The following ZEB2 variants were observed in gnomAD, a reference collection of about 807,000 sequenced individuals.
The protein encoded by ZEB2 is zinc finger E-box binding homeobox 2.
In ZEB2, 6 loss-of-function variants were observed where a neutral mutation model predicts 99.9. The ratio of observed to expected loss-of-function variants is 0.06; its 90% CI spans 0.03 to 0.12. The LOEUF (loss-of-function observed/expected upper bound fraction) is 0.12. Among genes scored for constraint, ZEB2 ranks in the 10% least tolerant of loss-of-function variants. The probability of loss-of-function intolerance (pLI) is 1.00; values close to 1 mark genes in which losing one functional copy is unlikely to be tolerated. For missense variants in ZEB2, 969 were observed against 1,502.8 expected (o/e 0.64, Z 5.87); for synonymous variants, 517 against 542.5 (o/e 0.95, Z 0.65).
chr2:144,404,108 A>G lies in ZEB2; in HGVS notation c.615T>C (p.Asp205=), dbSNP rs752922118. The G allele has an allele frequency of 2.0e-5, 33 of 1,614,080 alleles. No homozygotes were observed. Among genetic ancestry groups the G allele is most frequent in the Non-Finnish European group, 2.8e-5 (33 of 1,180,004 alleles). The change falls in exon 6 of 10, where the codon GAT becomes GAC. Residue 205 remains aspartate (D), a synonymous_variant. Coordinates refer to ENST00000627532, the MANE Select transcript of ZEB2 (RefSeq NM_014795.4). ...GGCAGGTCAGCAGTTGGGCAAAAGC[A>G]TCTGGAGTTCCAGGTGGCAGGTCTG... ...EENDLPPGTP[D]AFAQLLTCPY... is the part of the protein sequence containing the mutation.
At chr2:144,404,263 C>T (rs1433586764) in intron 5 of ZEB2, 133 bp from the exon 6 acceptor site, 4 of 1,006,798 alleles carry the variant, frequency 4.0e-6, no homozygotes, top group Admixed American at 2.0e-5. Flanking sequence ...CATCATTGCA[C>T]CCGGCCCCCT....
At chr2:144,419,778 G>T (rs1327211303) in intron 4 of ZEB2, among the ~76,000 whole-genome samples, 1 of 151,938 alleles carries the variant, frequency 6.6e-6, no homozygotes, top group South Asian at 2.1e-4. Context: ...TTACAATTTT[G>T]TTCCTTTTTT....
chr2:144,505,749 C>CCCTAT (rs1293310212), intron 2 of ZEB2, among the ~76,000 whole-genome samples: 2 of 152,152 alleles, frequency 1.3e-5, no homozygotes, highest in Non-Finnish European at 2.9e-5. Context: ...TGGCCAGAAG[C>CCCTAT]CCTATCAAAG....
intron 9 of ZEB2, among the ~76,000 whole-genome samples, chr2:144,395,714 T>C (rs1294583295): frequency 1.3e-5 from 2 of 152,210 alleles, no homozygotes; most frequent in African/African-American, 4.8e-5. Context: ...TGGTACTTCA[T>C]CTTTCTTTTC....
chr2:144,401,563 T>C lies in ZEB2; in HGVS notation c.808-256A>G, dbSNP rs573286403. ...TATTTCTGTAGTGTCTTTTCCAAAA[T>C]GTTTCTTTGAACCTTTGGGGACGAG... On this transcript the variant is annotated intron_variant, in intron 6 of 9. Coordinates refer to ENST00000627532, the MANE Select transcript of ZEB2 (RefSeq NM_014795.4). 2.6e-5 allele frequency among the ~76,000 whole-genome samples: 4 copies of C among 152,362 alleles called. No individual in the cohort carries two copies. In the East Asian group the frequency reaches 7.7e-4, roughly 29 times the overall value.
chr2:144,406,215 G>A (rs1230742068), intron 4 of ZEB2, among the ~76,000 whole-genome samples: 1 of 151,944 alleles, frequency 6.6e-6, no homozygotes, highest in Admixed American at 6.6e-5. Flanking sequence ...TTTATGAGGG[G>A]AATAGAAAGT....
intron 2 of ZEB2, among the ~76,000 whole-genome samples, chr2:144,438,477 G>A (rs1167956668): frequency 6.6e-6 from 1 of 151,888 alleles, no homozygotes; most frequent in Non-Finnish European, 1.5e-5. Flanking sequence ...AAGTAGGGGG[G>A]CTGGAGATCT....
chr2:144,456,000 G>A (rs1038922965), intron 2 of ZEB2, among the ~76,000 whole-genome samples: 3 of 152,076 alleles, frequency 2.0e-5, no homozygotes, highest in African/African-American at 7.2e-5. Flanking sequence ...CTAGATTTAT[G>A]ATGAATACAG....
At chr2:144,446,179 T>C (rs1394509463) in intron 2 of ZEB2, among the ~76,000 whole-genome samples, 1 of 152,194 alleles carries the variant, frequency 6.6e-6, no homozygotes, top group Non-Finnish European at 1.5e-5. Flanking sequence ...GCACTTGCAC[T>C]GTGTGGGCAA....
At chr2:144,446,973 G>A (rs1012483918) in intron 2 of ZEB2, among the ~76,000 whole-genome samples, 2 of 146,918 alleles carry the variant, frequency 1.4e-5, no homozygotes, top group African/African-American at 2.5e-5. Flanking sequence ...CTGAGATCGC[G>A]CCACGGCACT....
intron 2 of ZEB2, among the ~76,000 whole-genome samples, chr2:144,482,744 G>C (rs1394261029): frequency 1.7e-5 from 2 of 120,256 alleles, no homozygotes; most frequent in African/African-American, 2.9e-5. Flanking sequence ...TTATATTTCT[G>C]ATATTTCTTT....
intron 2 of ZEB2, among the ~76,000 whole-genome samples, chr2:144,440,507 ATATATATATTTTTTT>A (rs1560625179): frequency 6.7e-5 from 1 of 14,902 alleles, no homozygotes; most frequent in Non-Finnish European, 1.6e-4. Flanking sequence ...ATATATATAT[ATATATATATTTTTTT>A]TTTTTTTTTT....
chr2:144,440,443 A>C (rs1167746124), intron 2 of ZEB2, among the ~76,000 whole-genome samples: 1 of 149,412 alleles, frequency 6.7e-6, no homozygotes, highest in Non-Finnish European at 1.5e-5. Context: ...CATTTTATGG[A>C]ATTATCCCCG....
At chr2:144,423,095 G>A (rs1703641702) in intron 4 of ZEB2, among the ~76,000 whole-genome samples, 1 of 152,128 alleles carries the variant, frequency 6.6e-6, no homozygotes, top group African/African-American at 2.4e-5. Flanking sequence ...TGAGAAAAAA[G>A]GGGTGTTTAA....
intron 4 of ZEB2, among the ~76,000 whole-genome samples, chr2:144,407,652 A>G (rs1703406555): frequency 6.6e-6 from 1 of 152,230 alleles, no homozygotes; most frequent in Non-Finnish European, 1.5e-5. Context: ...AACTTCACTG[A>G]TTTTATCAGT....
intron 5 of ZEB2, among the ~76,000 whole-genome samples, chr2:144,404,545 T>C (rs1226397492): frequency 1.3e-5 from 2 of 152,158 alleles, no homozygotes; most frequent in Non-Finnish European, 2.9e-5. Context: ...AACTTTTTTT[T>C]CCTCAAAAGT....
chr2:144,476,600 T>TA (rs1704433563), intron 2 of ZEB2, among the ~76,000 whole-genome samples: 1 of 152,190 alleles, frequency 6.6e-6, no homozygotes, highest in Non-Finnish European at 1.5e-5. Flanking sequence ...CCCTACCACC[T>TA]ACAGCCATGA....
rs540920415 is a variant in ZEB2, at chr2:144,416,683, G to A, written c.403+8113C>T. Among the ~76,000 whole-genome samples, 13 of 152,174 alleles carry A rather than the reference G, an allele frequency of 8.5e-5. No individual in the cohort carries two copies. The East Asian group carries it at 1.2e-3, about 14-fold the overall frequency. The stretch of plus-strand genomic sequence containing the variant: ...ATCTAAAATTATTCTCTTACAACTC[G>A]TTTGATAACCCACTCCATCTTTCAC... On this transcript the variant is annotated intron_variant, in intron 4 of 9. Transcript: ENST00000627532.
chr2:144,479,839 G>A (rs1231341018), intron 2 of ZEB2, among the ~76,000 whole-genome samples: 1 of 152,064 alleles, frequency 6.6e-6, no homozygotes, highest in Non-Finnish European at 1.5e-5. Context: ...ATTTGCATAA[G>A]GTCTCTGTTG....
Sources: gnomAD v4.1 joint callset for allele counts (sites outside exome capture counted in the v4.1 genomes callset) on GRCh38, gnomAD v4.1.1 for gene constraint, MANE v1.5 for transcripts, NCBI Gene and HGNC (gene_info 2026-07-23, HGNC 2026-07-21) for gene names.